INO80D: variants seen among roughly 807,000 people sequenced by gnomAD.
INO80D encodes INO80 complex subunit D.
A neutral mutation model predicts 87.6 loss-of-function variants in INO80D; 21 were observed. That is an observed-to-expected ratio of 0.24 (90% CI 0.17 to 0.35). INO80D has a LOEUF of 0.35. INO80D is among the 10% of genes least tolerant of loss of function. The probability of loss-of-function intolerance (pLI) is 1.00; values close to 1 mark genes in which losing one functional copy is unlikely to be tolerated. For synonymous variants in INO80D, 440 were observed against 491.0 expected (o/e 0.90, Z 1.37); for missense variants, 982 against 1,280.7 (o/e 0.77, Z 3.56).
chr2:206,062,817 G>A lies in INO80D; in HGVS notation c.200C>T (p.Pro67Leu). 1 of 1,608,190 alleles carries A rather than the reference G, an allele frequency of 6.2e-7. No homozygotes were observed. The change falls in exon 3 of 11, where the codon CCC (proline) becomes CTC (leucine). Residue 67 changes from proline to leucine, a missense_variant. Transcript: ENST00000403263. The surrounding 1 kb of genome is among the most constrained non-coding windows in gnomAD (Gnocchi z 4.6). ...YNSQRCTNPIPKSEDRRYCNS... is the reference protein window; with the variant it reads ...YNSQRCTNPILKSEDRRYCNS... ...CCCTTACCTACGATCCTCTGATTTG[G>A]GGATGGGGTTGGTGCAGCGTTGGCT...
chr2:206,029,024 A>G (rs937475944), intron 5 of INO80D, among the ~76,000 whole-genome samples: 1 of 151,752 alleles, frequency 6.6e-6, no homozygotes, highest in Non-Finnish European at 1.5e-5. Context: ...AGTAGCTGGG[A>G]CTACAGGTGT....
At chr2:206,033,808 G>A (rs1388848280) in intron 5 of INO80D, among the ~76,000 whole-genome samples, 1 of 152,036 alleles carries the variant, frequency 6.6e-6, no homozygotes, top group Non-Finnish European at 1.5e-5. Flanking sequence ...CAAAAAGCTG[G>A]TTCTTTGAAA....
Position 206,009,646 on chromosome 2 carries a change from G to A in INO80D, c.1691C>T (p.Pro564Leu). 6.2e-7 allele frequency: 1 copy of A among 1,613,986 alleles called. No homozygotes were observed. The highest frequency in any genetic ancestry group is 8.5e-7 in the Non-Finnish European group (1 of 1,179,882). ...GCTGAGGTTCCCTTGGGGGACTGCAGGTGGAATGGGTTTTTGGGGTCGACG... is the reference window on the plus strand; with the variant it reads ...GCTGAGGTTCCCTTGGGGGACTGCAAGTGGAATGGGTTTTTGGGGTCGACG... ...GPRRPQKPIP[P>L]AVPQGNLSMP... The change falls in exon 9 of 11, where the codon CCT (proline) becomes CTT (leucine). Residue 564 changes from proline to leucine, a missense_variant. Pro to Leu is a moderately conservative substitution (Grantham distance 98). Transcript: ENST00000403263.
At chr2:206,074,776 C>T (rs564281524) in intron 1 of INO80D, among the ~76,000 whole-genome samples, 1 of 152,024 alleles carries the variant, frequency 6.6e-6, no homozygotes, top group Non-Finnish European at 1.5e-5. Context: ...CCAGTCTCTA[C>T]TAAAAATACA....
chr2:206,014,917 G>A (rs1688278134), intron 8 of INO80D, among the ~76,000 whole-genome samples: 2 of 152,206 alleles, frequency 1.3e-5, no homozygotes, highest in Non-Finnish European at 2.9e-5. Flanking sequence ...GGCTGAGGTG[G>A]TCTCAGAAGG....
At chr2:206,027,975 G>A (rs1000439000) in intron 6 of INO80D, 136 bp downstream of exon 6, 102 of 511,610 alleles carry the variant, frequency 2.0e-4, no homozygotes, top group Non-Finnish European at 2.9e-4. Context: ...CTTTAATAAA[G>A]CAAGAAAACC....
chr2:206,043,846 C>T (rs933828489), intron 5 of INO80D, among the ~76,000 whole-genome samples: 3 of 152,096 alleles, frequency 2.0e-5, no homozygotes, highest in Non-Finnish European at 1.5e-5. Context: ...CAGCAAGGTA[C>T]AACAAATGAC....
chr2:206,051,050 T>C (rs1689352951), intron 4 of INO80D, among the ~76,000 whole-genome samples: 1 of 151,604 alleles, frequency 6.6e-6, no homozygotes, highest in South Asian at 2.1e-4. Context: ...ATGTAAATAA[T>C]GAAATGATAA....
Position 206,028,182 on chromosome 2 carries a change from C to T in INO80D, c.1227G>A (p.Ala409=), listed in dbSNP as rs528775539. ...RHTFRKALLQ[A]ASKEPECTGQ... ...CAGTGCATTCTGGTTCTTTACTGGC[C>T]GCCTGCAGCAAAGCTTTCCTAAACG... The change falls in exon 6 of 11, where the codon GCG becomes GCA. Residue 409 remains alanine (A), a synonymous_variant. Coordinates refer to ENST00000403263, the MANE Select transcript of INO80D (RefSeq NM_017759.5). The T allele has an allele frequency of 2.1e-5, 34 of 1,597,526 alleles. No individual in the cohort carries two copies. Among genetic ancestry groups the T allele is most frequent in the Middle Eastern group, 1.7e-4 (1 of 5,846 alleles).
intron 5 of INO80D, among the ~76,000 whole-genome samples, chr2:206,035,717 A>G (rs1002515124): frequency 6.6e-6 from 1 of 152,200 alleles, no homozygotes; most frequent in Non-Finnish European, 1.5e-5. Flanking sequence ...AAAAACAAAG[A>G]TAAATAGCTG....
Position 206,005,303 on chromosome 2 carries a change from A to G in INO80D, c.2149T>C (p.Leu717=). ...TTATCATGTACTATACGCCCATTCAATAGCTCCCCTAGGTCTGTGTTCACC... is the reference window on the plus strand; with the variant it reads ...TTATCATGTACTATACGCCCATTCAGTAGCTCCCCTAGGTCTGTGTTCACC... ...REVNTDLGEL[L]NGRIVHDNFS... Residue 717 remains leucine (L), a synonymous_variant, in exon 11 of 11, where the codon TTG becomes CTG. Transcript: ENST00000403263. 3.7e-6 allele frequency: 6 copies of G among 1,614,018 alleles called. No homozygotes were observed. The highest frequency in any genetic ancestry group is 5.1e-6 in the Non-Finnish European group (6 of 1,179,888).
In INO80D at chr2:206,085,623, C is replaced by T. The variant is rs1690435445; in HGVS notation, c.-124+278G>A. The T allele has an allele frequency of 6.7e-6, 1 of 148,916 alleles. No individual in the cohort carries two copies. Among genetic ancestry groups the T allele is most frequent in the East Asian group, 2.0e-4 (1 of 5,066 alleles). The allele number at this position is 148,916 out of a possible 1,614,324, so 9.2% of individuals were successfully genotyped here. Reference sequence around the variant, plus strand: ...CCGCCGCACACCCCCACCTGGCCCGCGCAGGCCGCTCCGCTCGCCCCACTC... The same window carrying T: ...CCGCCGCACACCCCCACCTGGCCCGTGCAGGCCGCTCCGCTCGCCCCACTC... On this transcript the variant is annotated intron_variant, in intron 1 of 10. Coordinates refer to ENST00000403263, the MANE Select transcript of INO80D (RefSeq NM_017759.5). The surrounding 1 kb of genome is among the most constrained non-coding windows in gnomAD (Gnocchi z 4.5).
At chr2:206,021,742 A>G (rs974453494) in intron 6 of INO80D, among the ~76,000 whole-genome samples, 4 of 151,794 alleles carry the variant, frequency 2.6e-5, no homozygotes, top group African/African-American at 9.7e-5. Context: ...CCTCCCAAGT[A>G]GCTGGGATTA....
chr2:206,075,322 A>T (rs1389875032), intron 1 of INO80D, among the ~76,000 whole-genome samples: 1 of 152,018 alleles, frequency 6.6e-6, no homozygotes, highest in Admixed American at 6.6e-5. Context: ...TGTTCTTTTG[A>T]TTCTCCTGTT....
chr2:206,044,430 G>A (rs1689138569), intron 5 of INO80D, among the ~76,000 whole-genome samples: 1 of 148,578 alleles, frequency 6.7e-6, no homozygotes, highest in South Asian at 2.1e-4. Context: ...AAAGAATGAA[G>A]GGGAAAAGAT....
chr2:206,057,150 A>G (rs1689547926), intron 3 of INO80D, among the ~76,000 whole-genome samples: 1 of 152,182 alleles, frequency 6.6e-6, no homozygotes, highest in African/African-American at 2.4e-5. Context: ...TGAACTGTAC[A>G]TGCACAGGGG....
chr2:206,021,455 T>G (rs1053230412), intron 6 of INO80D, among the ~76,000 whole-genome samples: 3 of 152,242 alleles, frequency 2.0e-5, no homozygotes, highest in African/African-American at 7.2e-5. Flanking sequence ...TTATTCCTAA[T>G]AGTTTATCCA....
At chr2:206,073,454 A>G (rs545736612) in intron 1 of INO80D, among the ~76,000 whole-genome samples, 50 of 152,306 alleles carry the variant, frequency 3.3e-4, no homozygotes, top group African/African-American at 1.2e-3. Flanking sequence ...CATAATCTTA[A>G]TCAAATGTCT....
chr2:206,023,973 T>C (rs767136858), intron 6 of INO80D, among the ~76,000 whole-genome samples: 13 of 152,174 alleles, frequency 8.5e-5, no homozygotes, highest in Non-Finnish European at 1.6e-4. Flanking sequence ...ATACCAAATT[T>C]TCCCAAACTC....
Sources: allele counts gnomAD v4.1 joint callset (sites outside exome capture counted in the v4.1 genomes callset), GRCh38; gene constraint gnomAD v4.1.1; non-coding constraint Gnocchi (gnomAD v3.1); transcripts MANE v1.5; gene names NCBI Gene and HGNC (gene_info 2026-07-23, HGNC 2026-07-21).